UPP2: variants seen among roughly 807,000 people sequenced by gnomAD.
UPP2 encodes uridine phosphorylase 2, also known as UPase 2.
In UPP2, 23 loss-of-function variants were observed where a neutral mutation model predicts 26.7. The observed-to-expected ratio is 0.86, with a 90% CI of 0.62 to 1.22. The LOEUF is 1.22. Ranked by LOEUF, UPP2 falls within the 50% of genes most tolerant of loss-of-function variation. The probability of loss-of-function intolerance (pLI) is 0.00; values close to 1 mark genes in which losing one functional copy is unlikely to be tolerated. For missense variants in UPP2, 387 were observed against 396.7 expected (o/e 0.98, Z 0.21); for synonymous variants, 127 against 141.3 (o/e 0.90, Z 0.72).
At chr2:158,014,053 A>G (rs1431468567) in intron 2 of UPP2, among the ~76,000 whole-genome samples, 1 of 152,202 alleles carries the variant, frequency 6.6e-6, no homozygotes, top group Non-Finnish European at 1.5e-5. Flanking sequence ...CCTACTGTTA[A>G]GTAATGTTCT....
In UPP2 at chr2:158,071,550, C is replaced by CAA. The variant is rs56926948; in HGVS notation, c.148-30463_148-30462dup. 1.1e-3 allele frequency among the ~76,000 whole-genome samples: 72 copies of CAA among 65,466 alleles called. 2 individuals carry two copies. Among genetic ancestry groups the CAA allele is most frequent in the East Asian group, 5.0e-3 (5 of 1,000 alleles). 42.9% of individuals were successfully genotyped at this position (65,466 alleles called of 152,430 possible). ...TGGGCAAAGAAGCGAGATTCTGTCT[C>CAA]AAAAAAAAAAAAAAAAAAAAAAAAA... On this transcript the variant is annotated intron_variant, in intron 3 of 9. Coordinates refer to the UPP2 transcript ENST00000605860.
Position 158,115,106 on chromosome 2 carries a change from C to T in UPP2, c.186C>T (p.Val62=). The part of the protein sequence containing the change: ...LPAMFGDVKF[V]CVGGSPNRMK... ...TTGTTTATTTTTATTAACAGTTTGT[C>T]TGTGTCGGTGGGAGCCCCAACAGAA... Residue 62 remains valine, a synonymous_variant, in exon 3 of 7, where the codon GTC becomes GTT. Coordinates refer to ENST00000005756, the MANE Select transcript of UPP2 (RefSeq NM_173355.4). 5 of 1,601,034 alleles carry T rather than the reference C, an allele frequency of 3.1e-6. No homozygotes were observed. Among genetic ancestry groups the T allele is most frequent in the Non-Finnish European group, 4.3e-6 (5 of 1,175,836 alleles).
intron 3 of UPP2, among the ~76,000 whole-genome samples, chr2:158,041,623 T>A (rs1408801758): frequency 6.6e-6 from 1 of 152,240 alleles, no homozygotes; most frequent in East Asian, 1.9e-4. Context: ...AATGACCTCA[T>A]GGGAGTGACC....
rs201858638 is a variant in UPP2 at position 158,115,094 on chromosome 2, T to C, written c.181-7T>C. On this transcript the variant is annotated splice_region_variant and splice_polypyrimidine_tract_variant and intron_variant, in intron 2 of 6. Coordinates refer to ENST00000005756, the MANE Select transcript of UPP2 (RefSeq NM_173355.4). ...TATGGCAGGCCCTTGTTTATTTTTA[T>C]TAACAGTTTGTCTGTGTCGGTGGGA... 1.1e-5 allele frequency: 17 copies of C among 1,592,616 alleles called. No homozygotes were observed. The African/African-American group carries it at 2.2e-4, about 20-fold the overall frequency.
intron 3 of UPP2, among the ~76,000 whole-genome samples, chr2:158,071,520 C>T (rs962494503): frequency 7.2e-6 from 1 of 138,616 alleles, no homozygotes; most frequent in African/African-American, 2.7e-5. Flanking sequence ...TATTGCATTC[C>T]AGCCTGGGCA....
At chr2:158,100,247 A>G (rs1368435967), upstream of UPP2, among the ~76,000 whole-genome samples, 1 of 152,188 alleles carries the variant, frequency 6.6e-6, no homozygotes, top group Non-Finnish European at 1.5e-5. Context: ...TAAATGTCTG[A>G]CCGAGTTGTT....
At chr2:158,001,957 CAAAAAAAAAAAAA>C (rs200818827) in intron 2 of UPP2, among the ~76,000 whole-genome samples, 48 of 65,502 alleles carry the variant, frequency 7.3e-4, no homozygotes, top group East Asian at 1.9e-3. Flanking sequence ...GAATGAGCAC[CAAAAAAAAAAAAA>C]AAAAAAAAAA....
chr2:158,119,886 C>T (rs1683526315), intron 4 of UPP2, among the ~76,000 whole-genome samples: 1 of 151,620 alleles, frequency 6.6e-6, no homozygotes. Context: ...GTGTATGTGC[C>T]TGTAGTCCTA....
At chr2:158,032,340 C>A (rs1217921298) in intron 3 of UPP2, among the ~76,000 whole-genome samples, 2 of 152,036 alleles carry the variant, frequency 1.3e-5, no homozygotes, top group Non-Finnish European at 2.9e-5. Flanking sequence ...ATGTAGGGGA[C>A]CCCCTCCATG....
At chr2:158,101,454 A>G (rs1172520817), upstream of UPP2, among the ~76,000 whole-genome samples, 1 of 152,214 alleles carries the variant, frequency 6.6e-6, no homozygotes, top group Non-Finnish European at 1.5e-5. Flanking sequence ...AAGTTCAGAT[A>G]AAGGGACATT....
chr2:158,035,198 C>T (rs1243287211), intron 3 of UPP2, among the ~76,000 whole-genome samples: 1 of 151,048 alleles, frequency 6.6e-6, no homozygotes, highest in Non-Finnish European at 1.5e-5. Context: ...TGCTCTGTCG[C>T]CCAGGCTGGA....
chr2:158,028,120 T>G (rs1029071376), intron 3 of UPP2, among the ~76,000 whole-genome samples: 13 of 152,238 alleles, frequency 8.5e-5, no homozygotes, highest in African/African-American at 2.9e-4. Context: ...TCCTCTTACT[T>G]ATGCAAATTT....
rs115055993 is a variant in UPP2 at position 158,092,164 on chromosome 2, G to A, written c.148-9876G>A. Among the ~76,000 whole-genome samples, 158 of 152,250 alleles carry A rather than the reference G, an allele frequency of 1.0e-3. 1 individual carries two copies. The highest frequency in any genetic ancestry group is 3.7e-3 in the African/African-American group (154 of 41,538). On this transcript the variant is annotated intron_variant, in intron 3 of 9. Transcript: ENST00000605860. Reference sequence around the variant, plus strand: ...GTGGCCTAACATACATCTAAGAGGGGTGCCAGAAGAAGATAACCTATTCAG... The same window carrying A: ...GTGGCCTAACATACATCTAAGAGGGATGCCAGAAGAAGATAACCTATTCAG...
intron 3 of UPP2, among the ~76,000 whole-genome samples, chr2:158,032,621 A>G (rs1443473712): frequency 6.6e-6 from 1 of 152,032 alleles, no homozygotes; most frequent in East Asian, 1.9e-4. Flanking sequence ...CTGGAGAGGA[A>G]GACTCAGGGC....
intron 3 of UPP2, among the ~76,000 whole-genome samples, chr2:158,081,110 G>A (rs1188402490): frequency 6.6e-6 from 1 of 152,056 alleles, no homozygotes; most frequent in Non-Finnish European, 1.5e-5. Flanking sequence ...AATAAAGAAT[G>A]GATACAGTCT....
chr2:158,070,803 C>T (rs1470253994), intron 3 of UPP2, among the ~76,000 whole-genome samples: 1 of 152,198 alleles, frequency 6.6e-6, no homozygotes, highest in African/African-American at 2.4e-5. Context: ...ATCACTGATG[C>T]CACCTCTTCC....
intron 3 of UPP2, among the ~76,000 whole-genome samples, chr2:158,062,127 GC>G (rs1259309211): frequency 2.0e-5 from 3 of 152,222 alleles, no homozygotes; most frequent in African/African-American, 4.8e-5. Flanking sequence ...TTACTTGTAA[GC>G]CCTTTACGGA....
chr2:158,083,473 C>T (rs966847844), intron 3 of UPP2, among the ~76,000 whole-genome samples: 1 of 151,818 alleles, frequency 6.6e-6, no homozygotes, highest in African/African-American at 2.4e-5. Context: ...CCAAACACCG[C>T]ATGTTTTCAC....
chr2:158,001,419 G>A (rs1415691177), intron 2 of UPP2, among the ~76,000 whole-genome samples: 1 of 152,112 alleles, frequency 6.6e-6, no homozygotes, highest in African/African-American at 2.4e-5. Context: ...GCCTGTAGTG[G>A]CCCAAGGAGA....
Sources: gnomAD v4.1 joint callset for allele counts (sites outside exome capture counted in the v4.1 genomes callset) on GRCh38, gnomAD v4.1.1 for gene constraint, MANE v1.5 for transcripts, NCBI Gene and HGNC (gene_info 2026-07-23, HGNC 2026-07-21) for gene names.